The following ZZZ3 variants were observed in gnomAD, a reference collection of about 807,000 sequenced individuals.
The protein encoded by ZZZ3 is zinc finger ZZ-type containing 3.
Under a neutral mutation model 95.2 loss-of-function variants are expected in ZZZ3, and 22 were observed. The observed-to-expected ratio is 0.23, with a 90% confidence interval of 0.17 to 0.33. ZZZ3 has a LOEUF of 0.33. Ranked by LOEUF, ZZZ3 falls within the 10% of genes least tolerant of loss-of-function variation. The probability of loss-of-function intolerance (pLI) is 1.00; values close to 1 mark genes in which losing one functional copy is unlikely to be tolerated. For synonymous variants in ZZZ3, 335 were observed against 358.9 expected (o/e 0.93, Z 0.75); for missense variants, 885 against 1,066.5 (o/e 0.83, Z 2.37).
chr1:77,650,547 G>C (rs1435395401), intron 1 of ZZZ3, among the ~76,000 whole-genome samples: 1 of 151,660 alleles, frequency 6.6e-6, no homozygotes, highest in Non-Finnish European at 1.5e-5. Flanking sequence ...AATTAATGCA[G>C]CATATCAAAA....
intron 1 of ZZZ3, among the ~76,000 whole-genome samples, chr1:77,666,725 T>G (rs1256691334): frequency 6.6e-6 from 1 of 152,192 alleles, no homozygotes; most frequent in East Asian, 1.9e-4. Flanking sequence ...TCATGGATAT[T>G]ATATTCTTAG....
In ZZZ3 at chr1:77,643,887, T is replaced by A. The variant is rs797022584; in HGVS notation, c.-402-2232A>T. On this transcript the variant is annotated intron_variant, in intron 1 of 14. Transcript: ENST00000370801. Reference sequence around the variant, plus strand: ...TAGTTTTATAAGAGCTTGGAAAAAATTCAAAAGGAAGGTCATACAACAGAG... The same window carrying A: ...TAGTTTTATAAGAGCTTGGAAAAAAATCAAAAGGAAGGTCATACAACAGAG... 1.9e-3 allele frequency among the ~76,000 whole-genome samples: 285 copies of A among 152,208 alleles called. 4 individuals are homozygous for A. The highest frequency in any genetic ancestry group is 6.6e-3 in the African/African-American group (273 of 41,538).
intron 5 of ZZZ3, among the ~76,000 whole-genome samples, chr1:77,616,625 G>A (rs1464329685): frequency 3.3e-5 from 5 of 152,192 alleles, no homozygotes; most frequent in African/African-American, 4.8e-5. Flanking sequence ...AGTACTTTGG[G>A]AGGTCGAGGT....
chr1:77,606,492 T>C (rs1014446833), intron 5 of ZZZ3, among the ~76,000 whole-genome samples: 1 of 151,936 alleles, frequency 6.6e-6, no homozygotes, highest in African/African-American at 2.4e-5. Flanking sequence ...TGAGCAAACA[T>C]AGGCTGTAGC....
chr1:77,581,345 T>C (rs1662501383), intron 8 of ZZZ3, among the ~76,000 whole-genome samples: 1 of 152,168 alleles, frequency 6.6e-6, no homozygotes, highest in Non-Finnish European at 1.5e-5. Flanking sequence ...GGCTCAGAAT[T>C]GAAAAGTAAC....
intron 5 of ZZZ3, among the ~76,000 whole-genome samples, chr1:77,608,875 C>T (rs917493254): frequency 7.3e-5 from 11 of 151,622 alleles, no homozygotes; most frequent in African/African-American, 2.7e-4. Flanking sequence ...AACCTTACCT[C>T]AAATGAAAAA....
intron 1 of ZZZ3, among the ~76,000 whole-genome samples, chr1:77,655,441 T>C (rs931912291): frequency 2.0e-5 from 3 of 152,224 alleles, no homozygotes; most frequent in African/African-American, 7.2e-5. Flanking sequence ...CCTTCAGCCA[T>C]GTGAAGACAC....
chr1:77,603,526 A>C (rs1664944290), intron 5 of ZZZ3, among the ~76,000 whole-genome samples: 1 of 152,242 alleles, frequency 6.6e-6, no homozygotes, highest in African/African-American at 2.4e-5. Context: ...GAATAAAAGA[A>C]AAAGCTTCTA....
At position 77,671,903 on chromosome 1, in the gene ZZZ3, AC is replaced by A. The variant is rs146281199; in HGVS notation, c.-403+10681del. ...GAGGATAGTACCAAACCAGATATAT[AC>A]TATGTTTTTTCAATCTGATAACTGA... On this transcript the variant is annotated intron_variant, in intron 1 of 14. Coordinates refer to ENST00000370801, the MANE Select transcript of ZZZ3 (RefSeq NM_015534.6). Among the ~76,000 whole-genome samples, 344 of 152,284 alleles carry A rather than the reference AC, an allele frequency of 2.3e-3. 1 individual carries two copies. The highest frequency in any genetic ancestry group is 3.7e-3 in the Non-Finnish European group (254 of 68,026).
At position 77,660,135 on chromosome 1, in the gene ZZZ3, AT is replaced by A. The variant is rs796883209; in HGVS notation, c.-402-18481del. 1.2e-3 allele frequency among the ~76,000 whole-genome samples: 185 copies of A among 152,188 alleles called. 2 individuals carry two copies. Among genetic ancestry groups the A allele is most frequent in the African/African-American group, 4.2e-3 (174 of 41,538 alleles). ...GCATGAGCCACTGTGCCTGGCTGAC[AT>A]TTCATTTTCTAGCAGGTAAAGAAGA... On this transcript the variant is annotated intron_variant, in intron 1 of 14. Coordinates refer to ENST00000370801, the MANE Select transcript of ZZZ3 (RefSeq NM_015534.6).
rs1667915872 is a variant in ZZZ3, at chr1:77,632,643, A to G, written c.712T>C (p.Ser238Pro). Reference sequence around the variant, plus strand: ...TCCGTATCCCCATTTTCAGCTACTGATTTTTCCTGTAACACATAGGAACCA... The same window carrying G: ...TCCGTATCCCCATTTTCAGCTACTGGTTTTTCCTGTAACACATAGGAACCA... ...SIGSYVLQEK[S>P]VAENGDTDTQ... is the part of the protein sequence containing the mutation. The change falls in exon 5 of 15, where the codon TCA (serine) becomes CCA (proline). Residue 238 changes from serine to proline, a missense_variant. Around this residue, in one of 5 missense-constraint regions of ZZZ3, gnomAD observed 556 missense variants for 652.9 expected, o/e 0.85. Transcript: ENST00000370801. 1 of 1,613,948 alleles carries G rather than the reference A, an allele frequency of 6.2e-7. No individual in the cohort carries two copies. The highest frequency in any genetic ancestry group is 1.7e-5 in the Admixed American group (1 of 59,994).
At chr1:77,607,410 T>C (rs1665345996) in intron 5 of ZZZ3, among the ~76,000 whole-genome samples, 1 of 152,186 alleles carries the variant, frequency 6.6e-6, no homozygotes, top group Non-Finnish European at 1.5e-5. Flanking sequence ...CCAAACCATA[T>C]CAAACTGTTT....
At chr1:77,602,817 G>A (rs1664863510) in intron 5 of ZZZ3, among the ~76,000 whole-genome samples, 1 of 151,748 alleles carries the variant, frequency 6.6e-6, no homozygotes, top group Non-Finnish European at 1.5e-5. Context: ...TGTTGGCCAG[G>A]CTGGTATTGA....
chr1:77,581,076 A>G lies in ZZZ3; in HGVS notation c.1909-7T>C, dbSNP rs375563833. ...ACAAGCGTCCTCTTATCATCTGCAC[A>G]TAAGACAAGGCTTTTGTCAGAGAGA... On this transcript the variant is annotated splice_region_variant and splice_polypyrimidine_tract_variant and intron_variant, in intron 8 of 14. Coordinates refer to ENST00000370801, the MANE Select transcript of ZZZ3 (RefSeq NM_015534.6). 1.4e-5 allele frequency: 23 copies of G among 1,613,168 alleles called. No homozygotes were observed. In the African/African-American group the frequency reaches 2.0e-4, roughly 14 times the overall value.
chr1:77,634,972 C>A (rs1299066771), intron 4 of ZZZ3, among the ~76,000 whole-genome samples: 1 of 152,076 alleles, frequency 6.6e-6, no homozygotes, highest in Non-Finnish European at 1.5e-5. Context: ...TTTCACAGTC[C>A]CTTCCTCCTG....
chr1:77,577,919 G>A (rs1028202492), intron 11 of ZZZ3, among the ~76,000 whole-genome samples: 9 of 152,040 alleles, frequency 5.9e-5, no homozygotes, highest in Admixed American at 1.3e-4. Flanking sequence ...GTGCCCGGCC[G>A]AAACTGGCTA....
intron 12 of ZZZ3, among the ~76,000 whole-genome samples, chr1:77,573,388 C>T (rs980326091): frequency 1.3e-5 from 2 of 152,070 alleles, no homozygotes; most frequent in Admixed American, 6.5e-5. Flanking sequence ...TCCCAAAGTG[C>T]TGGGATTACA....
chr1:77,599,475 G>A (rs1664531148), intron 5 of ZZZ3, among the ~76,000 whole-genome samples: 1 of 151,892 alleles, frequency 6.6e-6, no homozygotes, highest in African/African-American at 2.4e-5. Flanking sequence ...TTAAGTATGG[G>A]TGGAAGATTC....
At chr1:77,655,629 GACAA>G (rs1023861442) in intron 1 of ZZZ3, among the ~76,000 whole-genome samples, 3 of 152,204 alleles carry the variant, frequency 2.0e-5, no homozygotes, top group Non-Finnish European at 2.9e-5. Context: ...TAATGAGACA[GACAA>G]ACAGACAAGG....
Sources: gnomAD v4.1 joint callset for allele counts (sites outside exome capture counted in the v4.1 genomes callset) on GRCh38, gnomAD v4.1.1 for gene constraint, gnomAD v4.1.1 regional missense constraint, MANE v1.5 for transcripts, NCBI Gene and HGNC (gene_info 2026-07-23, HGNC 2026-07-21) for gene names.